ZNF385B: variants seen among roughly 807,000 people sequenced by gnomAD.
The protein encoded by ZNF385B is zinc finger protein 533.
Under a neutral mutation model 39.2 loss-of-function variants are expected in ZNF385B, and 23 were observed. The ratio of observed to expected loss-of-function variants is 0.59; its 90% confidence interval spans 0.42 to 0.83. The LOEUF (loss-of-function observed/expected upper bound fraction) is 0.83, where lower values mean the gene tolerates loss of function less well. Among genes scored for constraint, ZNF385B ranks in the 40% least tolerant of loss-of-function variants. The pLI is 0.00. For missense variants in ZNF385B, 552 were observed against 598.9 expected, an observed-to-expected ratio of 0.92 and a Z score of 0.82; for synonymous variants, 205 against 222.6, an observed-to-expected ratio of 0.92 and a Z score of 0.70.
rs111868714 is a variant in ZNF385B, at chr2:179,624,010, G to A, written c.299-79041C>T. Among the ~76,000 whole-genome samples the A allele has an allele frequency of 2.7e-3, 409 of 152,152 alleles. 4 individuals are homozygous for A. Among genetic ancestry groups the A allele is most frequent in the South Asian group, 8.7e-3 (42 of 4,816 alleles). ...TTGGCAGCCTGGTAGTTGTTTCTAT[G>A]CTTTCCTCAAGATCACCTCTCCTTA... On this transcript the variant is annotated intron_variant, in intron 3 of 9. Transcript: ENST00000410066.
chr2:179,564,574 T>C (rs552024533), intron 3 of ZNF385B, among the ~76,000 whole-genome samples: 1 of 152,322 alleles, frequency 6.6e-6, no homozygotes, highest in East Asian at 1.9e-4. Flanking sequence ...ACCTTTTAAC[T>C]TCTTTTAGAG....
intron 4 of ZNF385B, among the ~76,000 whole-genome samples, chr2:179,524,551 CAAAAAAAAAAAAAAAAAAAA>C (rs770219234): frequency 6.6e-5 from 4 of 60,970 alleles, no homozygotes; most frequent in Non-Finnish European, 8.0e-5. Flanking sequence ...GACTCCGTCT[CAAAAAAAAAAAAAAAAAAAA>C]AAAAAAAAAA....
intron 5 of ZNF385B, among the ~76,000 whole-genome samples, chr2:179,485,317 A>G (rs1324368220): frequency 2.6e-5 from 4 of 152,208 alleles, no homozygotes; most frequent in African/African-American, 7.2e-5. Flanking sequence ...CCATTTCACT[A>G]CTAACTACTA....
Position 179,531,251 on chromosome 2 carries a change from G to A in ZNF385B, c.442-12613C>T, listed in dbSNP as rs189606316. ...TGTCCAGTTAAAGTGGAATTTTAGG[G>A]GTAAACAGCAAATAATTTAAAAAAG... On this transcript the variant is annotated intron_variant, in intron 4 of 9. Coordinates refer to ENST00000410066, the MANE Select transcript of ZNF385B (RefSeq NM_152520.6). Among the ~76,000 whole-genome samples, 11 of 152,178 alleles carry A rather than the reference G, an allele frequency of 7.2e-5. No individual in the cohort carries two copies. The East Asian group carries it at 2.1e-3, about 29-fold the overall frequency.
rs768205203 is a variant in ZNF385B at position 179,676,708 on chromosome 2, G to A, written c.298+92795C>T. Among the ~76,000 whole-genome samples the A allele has an allele frequency of 3.3e-5, 5 of 152,114 alleles. 1 individual carries two copies. Among genetic ancestry groups the A allele is most frequent in the African/African-American group, 9.7e-5 (4 of 41,426 alleles). ...GTGAAGGAGTTGGAAAGAAGTGGAC[G>A]GATTAGAGTGGAAAGTGGTTCTTCA... On this transcript the variant is annotated intron_variant, in intron 3 of 9. Coordinates refer to ENST00000410066, the MANE Select transcript of ZNF385B (RefSeq NM_152520.6).
chr2:179,503,135 C>G (rs1172817442), intron 5 of ZNF385B, among the ~76,000 whole-genome samples: 2 of 152,134 alleles, frequency 1.3e-5, no homozygotes, highest in Non-Finnish European at 1.5e-5. Context: ...TCAGCTTCCC[C>G]AAGTGTTGGG....
intron 3 of ZNF385B, among the ~76,000 whole-genome samples, chr2:179,656,562 G>A (rs1029246068): frequency 1.4e-4 from 22 of 152,126 alleles, no homozygotes; most frequent in African/African-American, 5.3e-4. Flanking sequence ...TCAGGCATCA[G>A]TTCCTTCCTA....
At chr2:179,744,334 T>C (rs1702254465) in intron 3 of ZNF385B, among the ~76,000 whole-genome samples, 1 of 150,700 alleles carries the variant, frequency 6.6e-6, no homozygotes, top group Non-Finnish European at 1.5e-5. Flanking sequence ...TTTTAAATCA[T>C]AGAGACGCCT....
chr2:179,682,558 T>A (rs1371628287), intron 3 of ZNF385B, among the ~76,000 whole-genome samples: 3 of 152,192 alleles, frequency 2.0e-5, no homozygotes, highest in Non-Finnish European at 4.4e-5. Context: ...TCTGAACAAA[T>A]TTATGTAACA....
intron 4 of ZNF385B, among the ~76,000 whole-genome samples, chr2:179,537,310 A>ATT (rs1258161707): frequency 7.2e-6 from 1 of 139,656 alleles, no homozygotes; most frequent in African/African-American, 2.9e-5. Context: ...TCTCAAAAAA[A>ATT]AAAAAATAAA....
chr2:179,663,658 C>A (rs529530988), intron 3 of ZNF385B, among the ~76,000 whole-genome samples: 1 of 129,370 alleles, frequency 7.7e-6, no homozygotes, highest in Non-Finnish European at 1.7e-5. Context: ...TGCAGTGAGC[C>A]GAGATCGCGC....
intron 4 of ZNF385B, among the ~76,000 whole-genome samples, chr2:179,521,861 C>T (rs904238439): frequency 1.3e-5 from 2 of 152,138 alleles, no homozygotes; most frequent in Non-Finnish European, 2.9e-5. Flanking sequence ...AGATTGTACC[C>T]CCATCTGTCT....
At chr2:179,497,956 TAAGAGACA>T (rs2056398946) in intron 5 of ZNF385B, among the ~76,000 whole-genome samples, 1 of 151,990 alleles carries the variant, frequency 6.6e-6, no homozygotes, top group Non-Finnish European at 1.5e-5. Context: ...CCAAAAACTA[TAAGAGACA>T]AAGAAGGTCA....
At chr2:179,521,613 G>T (rs1287511767) in intron 4 of ZNF385B, among the ~76,000 whole-genome samples, 1 of 151,988 alleles carries the variant, frequency 6.6e-6, no homozygotes, top group Non-Finnish European at 1.5e-5. Context: ...TTGAGACTGA[G>T]CACTCCAAAT....
intron 5 of ZNF385B, among the ~76,000 whole-genome samples, chr2:179,510,053 T>C (rs186112783): frequency 6.6e-6 from 1 of 152,314 alleles, no homozygotes; most frequent in Admixed American, 6.5e-5. Flanking sequence ...TTCTTGAACA[T>C]ACACACACAT....
intron 1 of ZNF385B, among the ~76,000 whole-genome samples, chr2:179,821,513 C>T (rs1215448258): frequency 6.6e-6 from 1 of 152,038 alleles, no homozygotes; most frequent in Admixed American, 6.6e-5. Context: ...ATAAATAAAA[C>T]TAAAAACAAT....
intron 4 of ZNF385B, among the ~76,000 whole-genome samples, chr2:179,520,792 T>C (rs1336529308): frequency 1.3e-5 from 2 of 152,194 alleles, no homozygotes; most frequent in African/African-American, 4.8e-5. Context: ...ATTCCCTAAA[T>C]ACCGGTTTTA....
intron 3 of ZNF385B, among the ~76,000 whole-genome samples, chr2:179,587,440 G>A (rs907244435): frequency 2.0e-5 from 3 of 152,146 alleles, no homozygotes; most frequent in Admixed American, 1.3e-4. Context: ...TGACCATGAC[G>A]ATAACTAGTT....
chr2:179,560,058 C>T (rs1316429207), intron 3 of ZNF385B, among the ~76,000 whole-genome samples: 1 of 152,052 alleles, frequency 6.6e-6, no homozygotes, highest in East Asian at 1.9e-4. Context: ...AACGTAATGT[C>T]TTCCAGTCTC....
Sources: allele counts gnomAD v4.1 joint callset (sites outside exome capture counted in the v4.1 genomes callset), GRCh38; gene constraint gnomAD v4.1.1; transcripts MANE v1.5; gene names NCBI Gene and HGNC (gene_info 2026-07-23, HGNC 2026-07-21).